SCUBE2: variants seen among roughly 807,000 people sequenced by gnomAD.
SCUBE2 encodes the protein signal peptide, CUB and EGF-like domain-containing protein 2.
SCUBE2 carries 114 observed loss-of-function variants against 125.9 expected under a neutral mutation model. That is an observed-to-expected ratio of 0.91 (90% CI 0.78 to 1.06). The LOEUF (loss-of-function observed/expected upper bound fraction) is 1.06, where lower values mean the gene tolerates loss of function less well. SCUBE2 is among the 50% of genes least tolerant of loss of function. The probability of loss-of-function intolerance (pLI) is 0.00; values close to 1 mark genes in which losing one functional copy is unlikely to be tolerated. For synonymous variants in SCUBE2, 459 were observed against 492.9 expected (o/e 0.93, Z 0.91); for missense variants, 1,255 against 1,301.8 (o/e 0.96, Z 0.55).
intron 3 of SCUBE2, among the ~76,000 whole-genome samples, chr11:9,078,407 T>C (rs1318086385): frequency 6.6e-6 from 1 of 152,254 alleles, no homozygotes; most frequent in African/African-American, 2.4e-5. Flanking sequence ...AAAGGTCATA[T>C]GAGGGTTAAG....
At chr11:9,040,496 CGTGGGT>C (rs1857122234) in intron 16 of SCUBE2, among the ~76,000 whole-genome samples, 26 of 111,032 alleles carry the variant, frequency 2.3e-4, no homozygotes, top group African/African-American at 5.2e-4. Context: ...GGGTACACAG[CGTGGGT>C]ACGCAGGAGA....
At chr11:9,075,286 T>C (rs1861131322) in intron 3 of SCUBE2, among the ~76,000 whole-genome samples, 2 of 150,220 alleles carry the variant, frequency 1.3e-5, no homozygotes, top group South Asian at 2.1e-4. Context: ...GATTCTGATA[T>C]AAGGTATAAA....
At chr11:9,053,073 T>C in intron 12 of SCUBE2, 26 bp downstream of exon 12, 3 of 1,592,282 alleles carry the variant, frequency 1.9e-6, no homozygotes, top group Non-Finnish European at 2.6e-6. Flanking sequence ...TGTGAGGACC[T>C]GCCCCGGGAA....
At chr11:9,047,225 G>GA (rs1340244373) in intron 16 of SCUBE2, 131 bp downstream of exon 16, 1 of 889,104 alleles carries the variant, frequency 1.1e-6, no homozygotes, top group African/African-American at 1.7e-5. Context: ...TACTGAAACA[G>GA]AAGCACTGCC....
intron 21 of SCUBE2, chr11:9,024,494 C>A: frequency 9.9e-7 from 1 of 1,009,346 alleles, no homozygotes; most frequent in Non-Finnish European, 1.4e-6. Context: ...ACAATTTTGG[C>A]ACTTGTCATC....
chr11:9,081,656 AAAAAC>A (rs1162365632), intron 2 of SCUBE2, among the ~76,000 whole-genome samples: 1 of 27,656 alleles, frequency 3.6e-5, no homozygotes, highest in Non-Finnish European at 6.2e-4. Flanking sequence ...CCCACCTCAA[AAAAAC>A]AAACAAACAA....
At chr11:9,083,307 C>T (rs1416592877) in intron 2 of SCUBE2, among the ~76,000 whole-genome samples, 5 of 152,104 alleles carry the variant, frequency 3.3e-5, no homozygotes, top group Admixed American at 1.3e-4. Flanking sequence ...CTAAATAACA[C>T]TATGAAAAAC....
At chr11:9,062,478 T>C (rs896475278) in intron 7 of SCUBE2, among the ~76,000 whole-genome samples, 7 of 152,250 alleles carry the variant, frequency 4.6e-5, no homozygotes, top group African/African-American at 1.2e-4. Flanking sequence ...GGCTTTTTAG[T>C]ATTTTACTGT....
intron 2 of SCUBE2, among the ~76,000 whole-genome samples, 178 bp downstream of exon 2, chr11:9,089,529 G>A (rs1862430179): frequency 6.6e-6 from 1 of 152,238 alleles, no homozygotes; most frequent in Admixed American, 6.5e-5. Context: ...CTCTGGGGAA[G>A]ACCTAATGTT....
chr11:9,076,744 T>C (rs1465650602), intron 3 of SCUBE2, among the ~76,000 whole-genome samples: 3 of 152,204 alleles, frequency 2.0e-5, no homozygotes, highest in Non-Finnish European at 4.4e-5. Flanking sequence ...AAGCTTCAGA[T>C]CTTATAGTCC....
rs570083205 is a variant in SCUBE2 at position 9,064,399 on chromosome 11, G to A, written c.850+1492C>T. The A allele has an allele frequency of 2.0e-5, 3 of 151,438 alleles. No individual in the cohort carries two copies. The South Asian group carries it at 6.3e-4, about 32-fold the overall frequency. 9.4% of individuals were successfully genotyped at this position (151,438 alleles called of 1,614,324 possible). A position where few individuals can be genotyped will look rare whatever the true frequency, so the allele number is the denominator to read the frequency against. ...GAGAATCGCTTGAGCCTGGGAGGCG[G>A]AGGTTGCAGTGAGATATGATCACAC... On this transcript the variant is annotated intron_variant, in intron 7 of 22. Coordinates refer to ENST00000649792, the MANE Select transcript of SCUBE2 (RefSeq NM_001367977.2).
At chr11:9,086,533 C>T (rs1862076754) in intron 2 of SCUBE2, among the ~76,000 whole-genome samples, 1 of 152,280 alleles carries the variant, frequency 6.6e-6, no homozygotes. Flanking sequence ...CATTTCTGTA[C>T]TCCTATACCA....
At chr11:9,084,046 T>C (rs1367022039) in intron 2 of SCUBE2, among the ~76,000 whole-genome samples, 1 of 152,218 alleles carries the variant, frequency 6.6e-6, no homozygotes, top group Non-Finnish European at 1.5e-5. Flanking sequence ...TTGGTTTCTA[T>C]AGACCACTTC....
chr11:9,087,580 C>T (rs925613546), intron 2 of SCUBE2, among the ~76,000 whole-genome samples: 21 of 152,200 alleles, frequency 1.4e-4, no homozygotes, highest in African/African-American at 4.8e-4. Flanking sequence ...GATCACCAAC[C>T]CCACTTGCTA....
intron 16 of SCUBE2, among the ~76,000 whole-genome samples, chr11:9,040,985 G>A (rs1857191067): frequency 6.6e-6 from 1 of 152,202 alleles, no homozygotes; most frequent in South Asian, 2.1e-4. Flanking sequence ...GACAGAAACA[G>A]TTACGATTTA....
At chr11:9,058,186 G>C (rs1198635649) in intron 9 of SCUBE2, among the ~76,000 whole-genome samples, 1 of 152,222 alleles carries the variant, frequency 6.6e-6, no homozygotes, top group Non-Finnish European at 1.5e-5. Flanking sequence ...TGCTGGGCCA[G>C]GTGCGGTGGC....
At position 9,090,510 on chromosome 11, in the gene SCUBE2, G is replaced by C. The variant is rs1390846249; in HGVS notation, c.134-681C>G. On this transcript the variant is annotated intron_variant, in intron 1 of 22. Coordinates refer to ENST00000649792, the MANE Select transcript of SCUBE2 (RefSeq NM_001367977.2). ...ATTTATTTTTTTTTTTTGCTCATCA[G>C]CTGTCGTTTGTGTTGGTATATTTTA... The C allele has an allele frequency of 2.2e-5, 3 of 139,424 alleles. No homozygotes were observed. In the Admixed American group the frequency reaches 2.3e-4, roughly 10 times the overall value. 8.6% of individuals were successfully genotyped at this position (139,424 alleles called of 1,614,324 possible). A position where few individuals can be genotyped will look rare whatever the true frequency, so the allele number is the denominator to read the frequency against.
intron 4 of SCUBE2, among the ~76,000 whole-genome samples, chr11:9,073,988 C>G (rs947045291): frequency 1.3e-5 from 2 of 152,122 alleles, no homozygotes; most frequent in Non-Finnish European, 2.9e-5. Flanking sequence ...GCCCTTCTGC[C>G]CCTCGGAGCT....
At chr11:9,066,926 C>T in intron 5 of SCUBE2, 113 bp from the exon 6 acceptor site, 7 of 804,782 alleles carry the variant, frequency 8.7e-6, no homozygotes. Flanking sequence ...GCACCTAGTG[C>T]ATGCCAGGCA....
Sources: allele counts gnomAD v4.1 joint callset (sites outside exome capture counted in the v4.1 genomes callset), GRCh38; gene constraint gnomAD v4.1.1; transcripts MANE v1.5; gene names NCBI Gene and HGNC (gene_info 2026-07-23, HGNC 2026-07-21).